STXBP3: variants seen among roughly 807,000 people sequenced by gnomAD.
STXBP3 encodes the protein syntaxin-binding protein 3.
Under a neutral mutation model 85.7 loss-of-function variants are expected in STXBP3, and 41 were observed. That is an observed-to-expected ratio of 0.48 (90% confidence interval 0.37 to 0.62). STXBP3 has a LOEUF of 0.62. Ranked by LOEUF, STXBP3 falls within the 20% of genes least tolerant of loss-of-function variation. The pLI is 0.00. For missense variants in STXBP3, 563 were observed against 703.1 expected (o/e 0.80, Z 2.25); for synonymous variants, 229 against 231.7 (o/e 0.99, Z 0.10).
intron 13 of STXBP3, among the ~76,000 whole-genome samples, chr1:108,795,938 T>A (rs920075846): frequency 1.4e-5 from 2 of 140,906 alleles, no homozygotes; most frequent in Non-Finnish European, 3.0e-5. Context: ...CAATCATGGC[T>A]CACTGCAACC....
chr1:108,750,025 C>T (rs988278705), intron 1 of STXBP3, among the ~76,000 whole-genome samples: 6 of 152,092 alleles, frequency 3.9e-5, no homozygotes, highest in African/African-American at 1.2e-4. Flanking sequence ...ATTTCAGGTG[C>T]TCAATAGCCA....
intron 2 of STXBP3, among the ~76,000 whole-genome samples, 178 bp from the exon 3 acceptor site, chr1:108,752,885 A>G (rs2101101996): frequency 6.6e-6 from 1 of 152,318 alleles, no homozygotes; most frequent in South Asian, 2.1e-4. Context: ...GTACGATACT[A>G]TATGCATGTA....
Position 108,798,151 on chromosome 1 carries a change from C to A in STXBP3, c.1363C>A (p.Gln455Lys), listed in dbSNP as rs765478251. ...TTTCCTCTAATTGTATTAGTCTCAACAAGGCAAACCGTTAAGAAAGGATCG... is the reference window on the plus strand; with the variant it reads ...TTTCCTCTAATTGTATTAGTCTCAAAAAGGCAAACCGTTAAGAAAGGATCG... ...LGVPIVPQSQ[Q>K]GKPLRKDRSA... The change falls in exon 16 of 19, where the codon CAA becomes AAA. Residue 455 changes from glutamine to lysine, a missense_variant. Physicochemically the swap from Gln to Lys is moderately conservative, Grantham distance 53. Transcript: ENST00000370008. The A allele has an allele frequency of 6.2e-6, 10 of 1,607,358 alleles. No homozygotes were observed. The highest frequency in any genetic ancestry group is 8.5e-6 in the Non-Finnish European group (10 of 1,177,984).
At chr1:108,756,987 C>A (rs1662035739) in intron 4 of STXBP3, 1 of 324,406 alleles carries the variant, frequency 3.1e-6, no homozygotes, top group Middle Eastern at 9.4e-4. Context: ...TATATGAAAG[C>A]AGAATTAAAT....
chr1:108,764,045 C>T (rs1009889692), intron 6 of STXBP3, among the ~76,000 whole-genome samples: 1 of 152,158 alleles, frequency 6.6e-6, no homozygotes, highest in Admixed American at 6.5e-5. Flanking sequence ...CCACCCTCTA[C>T]CCTCAAGTAG....
At chr1:108,766,871 C>T (rs1269083156) in intron 6 of STXBP3, 3 of 483,810 alleles carry the variant, frequency 6.2e-6, no homozygotes, top group East Asian at 1.1e-4. Context: ...GTGGTCTATA[C>T]TTTGTAAGAG....
Position 108,777,910 on chromosome 1 carries a change from GC to G in STXBP3, c.685-1375del, listed in dbSNP as rs1481183012. Among the ~76,000 whole-genome samples, 3 of 152,184 alleles carry G rather than the reference GC, an allele frequency of 2.0e-5. No individual in the cohort carries two copies. The East Asian group carries it at 5.8e-4, about 29-fold the overall frequency. Reference sequence around the variant, plus strand: ...AGATTCATAGCTCATATTTTTGAGGGCTTACTGTGCTGTGTTTCATAGTATG... The same window carrying G: ...AGATTCATAGCTCATATTTTTGAGGGTTACTGTGCTGTGTTTCATAGTATG... On this transcript the variant is annotated intron_variant, in intron 8 of 18. Transcript: ENST00000370008.
chr1:108,781,649 GA>G (rs1412921547), intron 9 of STXBP3: 4 of 152,176 alleles, frequency 2.6e-5, no homozygotes, highest in Admixed American at 2.6e-4. Context: ...AAATGTTTGT[GA>G]ATTTTGTACC....
chr1:108,785,943 G>A (rs1470393160), intron 11 of STXBP3, among the ~76,000 whole-genome samples: 1 of 152,148 alleles, frequency 6.6e-6, no homozygotes, highest in African/African-American at 2.4e-5. Flanking sequence ...AATCACTCAA[G>A]TTTCTAGGAA....
chr1:108,752,592 A>G (rs1372471409), intron 2 of STXBP3, among the ~76,000 whole-genome samples: 1 of 152,180 alleles, frequency 6.6e-6, no homozygotes, highest in African/African-American at 2.4e-5. Flanking sequence ...CTTGGCTCCA[A>G]ATACTAACTT....
chr1:108,792,742 C>T (rs560553964), intron 11 of STXBP3, among the ~76,000 whole-genome samples: 1 of 152,292 alleles, frequency 6.6e-6, no homozygotes, highest in South Asian at 2.1e-4. Flanking sequence ...TGTCTCTACA[C>T]AGAATGTTGA....
Position 108,772,736 on chromosome 1 carries a change from A to G in STXBP3, c.510A>G (p.Lys170=). The G allele has an allele frequency of 6.2e-7, 1 of 1,604,930 alleles. No homozygotes were observed. Among genetic ancestry groups the G allele is most frequent in the Non-Finnish European group, 8.5e-7 (1 of 1,175,242 alleles). ...YSPDPGNAKG[K]DAIMETMADQ... ...CAGACCCTGGTAATGCAAAGGGAAA[A>G]GATGCCATTATGGAAACAATGGCTG... The change falls in exon 7 of 19, where the codon AAA becomes AAG. Residue 170 remains lysine, a synonymous_variant. Coordinates refer to ENST00000370008, the MANE Select transcript of STXBP3 (RefSeq NM_007269.4).
chr1:108,799,477 G>A lies in STXBP3; in HGVS notation c.1450-743G>A, dbSNP rs552353650. 2.6e-5 allele frequency among the ~76,000 whole-genome samples: 4 copies of A among 152,238 alleles called. No homozygotes were observed. The East Asian group carries it at 7.7e-4, about 29-fold the overall frequency. ...AAAATACACATTTGGATCCATGACA[G>A]TCTTAGGCCTTTAGAATTTCTCCTG... On this transcript the variant is annotated intron_variant, in intron 16 of 18. Coordinates refer to ENST00000370008, the MANE Select transcript of STXBP3 (RefSeq NM_007269.4).
At chr1:108,770,379 G>A (rs761046937) in intron 6 of STXBP3, among the ~76,000 whole-genome samples, 7 of 152,154 alleles carry the variant, frequency 4.6e-5, no homozygotes, top group African/African-American at 9.7e-5. Flanking sequence ...TTGGGCGGCC[G>A]TGCGATAAAT....
chr1:108,767,038 C>A, intron 6 of STXBP3: 3 of 440,220 alleles, frequency 6.8e-6, no homozygotes, highest in South Asian at 1.8e-5. Flanking sequence ...ATCACACAGT[C>A]CACAGGTTGT....
At chr1:108,801,361 T>C (rs1663228580) in intron 17 of STXBP3, among the ~76,000 whole-genome samples, 1 of 152,214 alleles carries the variant, frequency 6.6e-6, no homozygotes, top group Non-Finnish European at 1.5e-5. Context: ...ACCTTTTAGA[T>C]AATGTATTAT....
chr1:108,758,688 A>G (rs1304984013), intron 5 of STXBP3, 100 bp downstream of exon 5: 2 of 489,882 alleles, frequency 4.1e-6, no homozygotes, highest in Non-Finnish European at 7.1e-6. Context: ...TAAAGTATCT[A>G]CTTTTTATAA....
intron 9 of STXBP3, chr1:108,782,199 A>C (rs1396305150): frequency 2.3e-6 from 1 of 433,276 alleles, no homozygotes; most frequent in Non-Finnish European, 4.1e-6. Flanking sequence ...AATGGCACCT[A>C]AACTGAATAT....
chr1:108,766,447 C>CT (rs1327581270), intron 6 of STXBP3, among the ~76,000 whole-genome samples: 1 of 152,060 alleles, frequency 6.6e-6, no homozygotes, highest in East Asian at 1.9e-4. Flanking sequence ...TTAAAAATAT[C>CT]TATTTTTAAG....
Sources: gnomAD v4.1 joint callset for allele counts (sites outside exome capture counted in the v4.1 genomes callset) on GRCh38, gnomAD v4.1.1 for gene constraint, MANE v1.5 for transcripts, NCBI Gene and HGNC (gene_info 2026-07-23, HGNC 2026-07-21) for gene names.